The following MIA2 variants were observed in gnomAD, a reference collection of about 807,000 sequenced individuals.
MIA2 encodes the protein MIA SH3 domain ER export factor 2.
Under a neutral mutation model 167.8 loss-of-function variants are expected in MIA2, and 127 were observed. The observed-to-expected ratio is 0.76, with a 90% confidence interval of 0.66 to 0.88. The LOEUF (loss-of-function observed/expected upper bound fraction) is 0.88. Ranked by LOEUF, MIA2 falls within the 40% of genes least tolerant of loss-of-function variation. MIA2 has a pLI of 0.00. For missense variants in MIA2, 1,690 were observed against 1,624.7 expected (o/e 1.04, Z -0.69); for synonymous variants, 552 against 541.9 (o/e 1.02, Z -0.26).
chr14:39,266,657 G>C (rs766268445), intron 6 of MIA2: 1 of 985,514 alleles, frequency 1.0e-6, no homozygotes, highest in Non-Finnish European at 1.2e-6. Context: ...GCGCACCGGC[G>C]CGTGCCCCGC....
chr14:39,286,785 C>A (rs1306524655), intron 9 of MIA2, among the ~76,000 whole-genome samples: 2 of 151,054 alleles, frequency 1.3e-5, no homozygotes, highest in African/African-American at 4.9e-5. Flanking sequence ...CCTCTGCCTC[C>A]CGGGTTCAAG....
intron 25 of MIA2, among the ~76,000 whole-genome samples, chr14:39,339,139 G>C (rs968902583): frequency 6.6e-6 from 1 of 152,106 alleles, no homozygotes; most frequent in African/African-American, 2.4e-5. Flanking sequence ...GTTCACAGTA[G>C]GGTTTGCGCT....
intron 13 of MIA2, among the ~76,000 whole-genome samples, chr14:39,299,101 ATAAT>A (rs762714960): frequency 2.0e-4 from 30 of 147,300 alleles, no homozygotes; most frequent in East Asian, 3.9e-4. Flanking sequence ...AAAAAAAGAA[ATAAT>A]TCCTTTCTAG....
chr14:39,324,262 A>T (rs762645272), intron 24 of MIA2, among the ~76,000 whole-genome samples: 10 of 152,346 alleles, frequency 6.6e-5, no homozygotes, highest in Non-Finnish European at 1.3e-4. Context: ...TCTGTGCTTC[A>T]TTCCAGATGA....
rs1418659369 is a variant in MIA2 at position 39,279,336 on chromosome 14, G to A, written c.2020-1G>A. 6.2e-7 allele frequency: 1 copy of A among 1,605,932 alleles called. No homozygotes were observed. Among genetic ancestry groups the A allele is most frequent in the South Asian group, 1.1e-5 (1 of 88,498 alleles). ...TAATTTTTGTTAAAAATTTGTTTCA[G>A]GTTAGGAGTCGGCTTTATGTGGGTA... On this transcript the variant is annotated splice_acceptor_variant, in intron 7 of 28. Coordinates refer to ENST00000640607, the MANE Select transcript of MIA2 (RefSeq NM_001329214.4). LOFTEE classifies it high-confidence loss of function.
At chr14:39,325,609 C>T (rs541132173) in intron 24 of MIA2, among the ~76,000 whole-genome samples, 33 of 151,756 alleles carry the variant, frequency 2.2e-4, no homozygotes, top group Non-Finnish European at 2.5e-4. Context: ...CCTTGTGACC[C>T]GCCCGCCTTG....
At chr14:39,327,260 T>G (rs540154780) in intron 25 of MIA2, among the ~76,000 whole-genome samples, 1 of 152,058 alleles carries the variant, frequency 6.6e-6, no homozygotes, top group Non-Finnish European at 1.5e-5. Context: ...CTTGTAGAGG[T>G]AATAATGCAT....
chr14:39,371,426 A>G (rs1351413084), intron 23 of MIA2, among the ~76,000 whole-genome samples: 1 of 152,192 alleles, frequency 6.6e-6, no homozygotes, highest in Non-Finnish European at 1.5e-5. Flanking sequence ...ATGCTACACA[A>G]TTATTTTGTG....
intron 3 of MIA2, among the ~76,000 whole-genome samples, chr14:39,244,155 T>G (rs1260576291): frequency 6.6e-6 from 1 of 152,220 alleles, no homozygotes; most frequent in Non-Finnish European, 1.5e-5. Flanking sequence ...AATTTATAAA[T>G]AGCTTTGCAT....
chr14:39,274,071 T>C (rs1226481837), intron 6 of MIA2, among the ~76,000 whole-genome samples: 2 of 152,222 alleles, frequency 1.3e-5, no homozygotes, highest in Non-Finnish European at 2.9e-5. Context: ...GTCAACCTGA[T>C]TAATTGATTT....
intron 6 of MIA2, among the ~76,000 whole-genome samples, chr14:39,274,433 T>C (rs2057628720): frequency 7.2e-6 from 1 of 139,586 alleles, no homozygotes; most frequent in Non-Finnish European, 1.6e-5. Context: ...CTTTTTTTCT[T>C]TTTTTTTTTT....
At chr14:39,375,361 G>T (rs1396858732) in intron 23 of MIA2, among the ~76,000 whole-genome samples, 1 of 152,114 alleles carries the variant, frequency 6.6e-6, no homozygotes, top group African/African-American at 2.4e-5. Flanking sequence ...AGCCTGAAAT[G>T]GTAAAGCTTT....
At chr14:39,284,057 T>C (rs954050219) in intron 9 of MIA2, among the ~76,000 whole-genome samples, 2 of 152,214 alleles carry the variant, frequency 1.3e-5, no homozygotes, top group Admixed American at 1.3e-4. Context: ...TTTAGTTTGA[T>C]GTAGTCCTGT....
chr14:39,348,671 A>G (rs1171095494), intron 27 of MIA2, 72 bp from the exon 28 acceptor site: 1 of 1,574,124 alleles, frequency 6.4e-7, no homozygotes, highest in South Asian at 1.1e-5. Flanking sequence ...GATTTCTTCT[A>G]AGCCTGAGAT....
chr14:39,346,052 C>A, intron 26 of MIA2, 26 bp downstream of exon 26: 1 of 1,533,564 alleles, frequency 6.5e-7, no homozygotes, highest in Non-Finnish European at 8.9e-7. Context: ...TGCTTTTCTT[C>A]TTTAAAAATT....
intron 24 of MIA2, among the ~76,000 whole-genome samples, chr14:39,324,800 T>C (rs184627040): frequency 1.4e-3 from 210 of 150,706 alleles, no homozygotes; most frequent in Non-Finnish European, 2.6e-3. Context: ...AGAGATGGGG[T>C]TTCACCATGT....
chr14:39,235,471 A>G (rs1049769911), intron 1 of MIA2, among the ~76,000 whole-genome samples: 3 of 152,138 alleles, frequency 2.0e-5, no homozygotes, highest in Admixed American at 6.6e-5. Flanking sequence ...AGTTTACTAG[A>G]TGTTTTATTA....
rs901612505 is a variant in MIA2 at position 39,266,694 on chromosome 14, G to A, written c.1888-10240G>A. On this transcript the variant is annotated intron_variant, in intron 6 of 28. Coordinates refer to ENST00000640607, the MANE Select transcript of MIA2 (RefSeq NM_001329214.4). The stretch of plus-strand genomic sequence containing the variant: ...GGCCATTTTTCTGACTGGAATGACG[G>A]CGGCGGCTGGCTTCTCGGGGCTGCC... The A allele has an allele frequency of 1.1e-5, 11 of 985,472 alleles. No homozygotes were observed. In the African/African-American group the frequency reaches 1.4e-4, roughly 13 times the overall value. The allele number at this position is 985,472 out of a possible 1,614,324, so 61.0% of individuals were successfully genotyped here. A position where few individuals can be genotyped will look rare whatever the true frequency, so the allele number is the denominator to read the frequency against.
intron 23 of MIA2, among the ~76,000 whole-genome samples, chr14:39,381,060 G>T (rs1188819597): frequency 6.6e-6 from 1 of 151,790 alleles, no homozygotes; most frequent in Non-Finnish European, 1.5e-5. Flanking sequence ...ACAAAAGCAG[G>T]CAGTTTAAAA....
Sources: gnomAD v4.1 joint callset for allele counts (sites outside exome capture counted in the v4.1 genomes callset) on GRCh38, gnomAD v4.1.1 for gene constraint, MANE v1.5 for transcripts, NCBI Gene and HGNC (gene_info 2026-07-23, HGNC 2026-07-21) for gene names.